DRC11: variants seen among roughly 807,000 people sequenced by gnomAD.
DRC11 encodes dynein regulatory complex subunit 11.
chr2:236,436,117 A>G, the DRC11 span, among the ~76,000 whole-genome samples: 1 of 152,332 alleles, frequency 6.6e-6, no homozygotes, highest in East Asian at 1.9e-4. Context: ...GAAAACAGAT[A>G]TGGCAACATT....
the DRC11 span, among the ~76,000 whole-genome samples, chr2:236,393,500 A>C: frequency 9.2e-5 from 14 of 152,306 alleles, no homozygotes; most frequent in Admixed American, 7.2e-4. This position sits in a 1 kb window ranked among gnomAD's most constrained non-coding sequence, Gnocchi z 4.7. Flanking sequence ...CACAGACAGA[A>C]GCACAAATCT....
chr2:236,485,153 C>A, the DRC11 span, among the ~76,000 whole-genome samples: 1 of 152,130 alleles, frequency 6.6e-6, no homozygotes, highest in African/African-American at 2.4e-5. Context: ...TTTATGACCA[C>A]AGTTGTTCAT....
chr2:236,364,300 T>TTTTC, the DRC11 span, among the ~76,000 whole-genome samples: 2 of 151,782 alleles, frequency 1.3e-5, no homozygotes, highest in Admixed American at 1.3e-4. Context: ...TCTGGCTTTT[T>TTTTC]TTTTTTTTTT....
At chr2:236,404,493 G>A in the DRC11 span, among the ~76,000 whole-genome samples, 16 of 152,166 alleles carry the variant, frequency 1.1e-4, no homozygotes, top group East Asian at 1.7e-3. Flanking sequence ...CAGATTATTC[G>A]CCCTCCTGGC....
chr2:236,353,673 A>G, the DRC11 span, among the ~76,000 whole-genome samples: 3 of 151,992 alleles, frequency 2.0e-5, no homozygotes, highest in Non-Finnish European at 4.4e-5. This position sits in a 1 kb window ranked among gnomAD's most constrained non-coding sequence, Gnocchi z 5.0. Flanking sequence ...ACACATATTT[A>G]CGGAGCATCT....
the DRC11 span, among the ~76,000 whole-genome samples, chr2:236,350,846 A>C: frequency 1.3e-5 from 2 of 151,988 alleles, no homozygotes; most frequent in Admixed American, 6.5e-5. This position sits in a 1 kb window ranked among gnomAD's most constrained non-coding sequence, Gnocchi z 5.2. Context: ...TCCCCTGGGG[A>C]AGCTGAGGGG....
At chr2:236,317,510 A>AT in the DRC11 span, among the ~76,000 whole-genome samples, 1 of 152,168 alleles carries the variant, frequency 6.6e-6, no homozygotes, top group Admixed American at 6.5e-5. This position sits in a 1 kb window ranked among gnomAD's most constrained non-coding sequence, Gnocchi z 5.4. Context: ...AAACCCAGCT[A>AT]AAAGTAACCT....
the DRC11 span, among the ~76,000 whole-genome samples, chr2:236,431,620 A>G: frequency 1.3e-5 from 2 of 152,346 alleles, no homozygotes; most frequent in South Asian, 2.1e-4. The surrounding 1 kb of genome is among the most constrained non-coding windows in gnomAD (Gnocchi z 4.2). Context: ...CTGTGTCTAC[A>G]GGTTTACTTT....
chr2:236,367,970 A>G, the DRC11 span: 2 of 567,610 alleles, frequency 3.5e-6, no homozygotes, highest in East Asian at 6.1e-5. This position sits in a 1 kb window ranked among gnomAD's most constrained non-coding sequence, Gnocchi z 4.8. Context: ...TCAGCCCAGC[A>G]CTGCTAAGCA....
chr2:236,333,299 T>C, the DRC11 span: 56 of 152,460 alleles, frequency 3.7e-4, no homozygotes, highest in African/African-American at 1.3e-3. The surrounding 1 kb of genome is among the most constrained non-coding windows in gnomAD (Gnocchi z 6.0). Context: ...AAAGCCTGTT[T>C]GTGTAGCGAT....
chr2:236,437,412 G>A, the DRC11 span, among the ~76,000 whole-genome samples: 1 of 151,252 alleles, frequency 6.6e-6, no homozygotes, highest in Non-Finnish European at 1.5e-5. Flanking sequence ...ACGTGTGCAT[G>A]TATCTTTATA....
chr2:236,319,554 A>T, the DRC11 span, among the ~76,000 whole-genome samples: 15 of 152,338 alleles, frequency 9.8e-5, no homozygotes, highest in East Asian at 2.9e-3. This position sits in a 1 kb window ranked among gnomAD's most constrained non-coding sequence, Gnocchi z 6.7. Context: ...GGGAACTGTG[A>T]CAGTCACCTG....
At chr2:236,336,854 G>A in the DRC11 span, among the ~76,000 whole-genome samples, 15 of 152,298 alleles carry the variant, frequency 9.8e-5, no homozygotes, top group Middle Eastern at 3.4e-3. This position sits in a 1 kb window ranked among gnomAD's most constrained non-coding sequence, Gnocchi z 7.3. Flanking sequence ...GGCCTCCCTC[G>A]AATCTGGGCT....
chr2:236,339,864 G>A, the DRC11 span, among the ~76,000 whole-genome samples: 1 of 152,154 alleles, frequency 6.6e-6, no homozygotes, highest in Admixed American at 6.5e-5. Flanking sequence ...TTTTTCTTTT[G>A]AAGAATGTTT....
At chr2:236,493,862 T>C in the DRC11 span, 2 of 1,606,732 alleles carry the variant, frequency 1.2e-6, no homozygotes, top group South Asian at 2.2e-5. Flanking sequence ...CAAAAAATAC[T>C]TGGGTATGGG....
chr2:236,393,293 G>C, the DRC11 span, among the ~76,000 whole-genome samples: 1 of 152,314 alleles, frequency 6.6e-6, no homozygotes, highest in East Asian at 1.9e-4. The surrounding 1 kb of genome is among the most constrained non-coding windows in gnomAD (Gnocchi z 4.7). Flanking sequence ...CCAGGGCACA[G>C]ACAGAGGCTC....
At chr2:236,370,365 A>T in the DRC11 span, among the ~76,000 whole-genome samples, 5 of 152,338 alleles carry the variant, frequency 3.3e-5, no homozygotes, top group African/African-American at 1.2e-4. This position sits in a 1 kb window ranked among gnomAD's most constrained non-coding sequence, Gnocchi z 5.5. Context: ...GTGGAAACTG[A>T]GGCACAGAAA....
At chr2:236,340,134 A>ATTTCT in the DRC11 span, among the ~76,000 whole-genome samples, 1 of 152,186 alleles carries the variant, frequency 6.6e-6, no homozygotes, top group South Asian at 2.1e-4. Context: ...TGTGAGAACA[A>ATTTCT]TTTCTTTTAT....
chr2:236,431,426 T>C, the DRC11 span, among the ~76,000 whole-genome samples: 5 of 152,138 alleles, frequency 3.3e-5, no homozygotes, highest in Non-Finnish European at 5.9e-5. This position sits in a 1 kb window ranked among gnomAD's most constrained non-coding sequence, Gnocchi z 4.2. Flanking sequence ...TATAAAGTCA[T>C]CAAATCTTGT....
Sources: allele counts gnomAD v4.1 joint callset (sites outside exome capture counted in the v4.1 genomes callset), GRCh38; gene constraint gnomAD v4.1.1; non-coding constraint Gnocchi (gnomAD v3.1); transcripts MANE v1.5; gene names NCBI Gene and HGNC (gene_info 2026-07-23, HGNC 2026-07-21).